RNF115: variants seen among roughly 807,000 people sequenced by gnomAD.
RNF115 encodes the protein ring finger protein 115.
A neutral mutation model predicts 39.2 loss-of-function variants in RNF115; 31 were observed. That is an observed-to-expected ratio of 0.79 (90% CI 0.59 to 1.07). The LOEUF (loss-of-function observed/expected upper bound fraction) is 1.07, where lower values mean the gene tolerates loss of function less well. Ranked by LOEUF, RNF115 falls within the 50% of genes least tolerant of loss-of-function variation. The pLI, the probability that RNF115 is intolerant of heterozygous loss-of-function variation, is 0.00. For synonymous variants in RNF115, 124 were observed against 131.0 expected, an observed-to-expected ratio of 0.95 and a Z score of 0.37; for missense variants, 384 against 381.7, an observed-to-expected ratio of 1.01 and a Z score of -0.05.
chr1:145,804,059 G>A (rs1055067908), intron 1 of RNF115, among the ~76,000 whole-genome samples: 1 of 152,212 alleles, frequency 6.6e-6, no homozygotes, highest in East Asian at 1.9e-4. Context: ...GTTTAGCTCT[G>A]ATGTGTACCA....
chr1:145,775,950 A>C (rs1421693383), intron 3 of RNF115, among the ~76,000 whole-genome samples: 1 of 152,100 alleles, frequency 6.6e-6, no homozygotes, highest in Non-Finnish European at 1.5e-5. Context: ...GTGAGCCGAG[A>C]TCACTCCATG....
intron 2 of RNF115, chr1:145,788,677 TCAC>T (rs587746496): frequency 1.2e-4 from 75 of 649,196 alleles, no homozygotes; most frequent in African/African-American, 1.0e-3. Context: ...GCAGTGCGTA[TCAC>T]CACATCTGCT....
chr1:145,764,790 C>G (rs1374200636), intron 4 of RNF115, among the ~76,000 whole-genome samples: 16 of 151,376 alleles, frequency 1.1e-4, no homozygotes, highest in African/African-American at 3.6e-4. Flanking sequence ...CCGCCCCATC[C>G]GGGAGGGAGA....
intron 3 of RNF115, among the ~76,000 whole-genome samples, chr1:145,783,353 C>G (rs1380872957): frequency 1.3e-5 from 2 of 152,090 alleles, no homozygotes. Context: ...AGAACAGGAC[C>G]ATTACCCAGA....
chr1:145,787,690 C>A (rs1648453839), intron 2 of RNF115, among the ~76,000 whole-genome samples: 1 of 151,924 alleles, frequency 6.6e-6, no homozygotes, highest in South Asian at 2.1e-4. Context: ...AGTTCAAGAC[C>A]AGCCTGGCCA....
chr1:145,796,293 G>A (rs1553720014), intron 1 of RNF115, among the ~76,000 whole-genome samples: 1 of 152,108 alleles, frequency 6.6e-6, no homozygotes. Flanking sequence ...AAGAGACAAG[G>A]TGTTAGATGA....
In RNF115 at chr1:145,781,988, C is replaced by T. The variant is rs188605805; in HGVS notation, c.219+2551G>A. ...TGCAATCTCCGCTCACTGCAACCTCCGCCTTCTGGGTTCAAGCAATTCTCC... is the reference window on the plus strand; with the variant it reads ...TGCAATCTCCGCTCACTGCAACCTCTGCCTTCTGGGTTCAAGCAATTCTCC... On this transcript the variant is annotated intron_variant, in intron 3 of 8. Coordinates refer to ENST00000582693, the MANE Select transcript of RNF115 (RefSeq NM_014455.4). 4.2e-4 allele frequency among the ~76,000 whole-genome samples: 63 copies of T among 151,552 alleles called. 1 individual carries two copies. The highest frequency in any genetic ancestry group is 1.3e-3 in the African/African-American group (54 of 41,248).
At chr1:145,787,031 C>T (rs1011741380) in intron 2 of RNF115, 10 of 1,273,628 alleles carry the variant, frequency 7.9e-6, no homozygotes, top group African/African-American at 1.5e-5. Flanking sequence ...TGTAGTTTTT[C>T]CTGGTTGTGG....
intron 1 of RNF115, among the ~76,000 whole-genome samples, chr1:145,792,329 T>C (rs1339890782): frequency 1.3e-5 from 2 of 152,036 alleles, no homozygotes; most frequent in Admixed American, 1.3e-4. Flanking sequence ...ATTCAAACAC[T>C]GAAACACTTT....
chr1:145,822,002 T>C (rs1474682505), intron 1 of RNF115, among the ~76,000 whole-genome samples: 1 of 148,724 alleles, frequency 6.7e-6, no homozygotes, highest in Non-Finnish European at 1.5e-5. Flanking sequence ...AAAAAAAACA[T>C]AAACACACAG....
At chr1:145,813,437 A>G (rs1411723919) in intron 1 of RNF115, among the ~76,000 whole-genome samples, 1 of 152,104 alleles carries the variant, frequency 6.6e-6, no homozygotes, top group African/African-American at 2.4e-5. Context: ...TCAAACTGGG[A>G]TTTCCAGCTG....
chr1:145,759,465 A>T (rs1658422092), intron 4 of RNF115, among the ~76,000 whole-genome samples: 1 of 152,108 alleles, frequency 6.6e-6, no homozygotes, highest in East Asian at 1.9e-4. Flanking sequence ...TTGGTGTCAT[A>T]ACTCTTCTTT....
chr1:145,823,450 C>G (rs1445885516), intron 1 of RNF115, among the ~76,000 whole-genome samples: 3 of 146,912 alleles, frequency 2.0e-5, no homozygotes, highest in African/African-American at 7.6e-5. Context: ...GGAAAAAGAC[C>G]AGGTATAAAA....
At chr1:145,805,397 T>TA (rs587651340) in intron 1 of RNF115, among the ~76,000 whole-genome samples, 15 of 136,154 alleles carry the variant, frequency 1.1e-4, no homozygotes, top group African/African-American at 1.6e-4. Context: ...AAAATAGTTC[T>TA]AAAAAAAAAA....
At chr1:145,772,512 G>A (rs1553715918) in intron 3 of RNF115, 3 of 152,256 alleles carry the variant, frequency 2.0e-5, no homozygotes, top group African/African-American at 7.2e-5. Context: ...TTCTTGGTTG[G>A]CAGGTCTGTC....
chr1:145,801,012 T>C (rs1649217765), intron 1 of RNF115, among the ~76,000 whole-genome samples: 1 of 151,750 alleles, frequency 6.6e-6, no homozygotes, highest in Non-Finnish European at 1.5e-5. Context: ...CTACTAAAAA[T>C]ACATAAAAAT....
intron 5 of RNF115, among the ~76,000 whole-genome samples, chr1:145,752,691 T>C (rs1658138102): frequency 6.7e-6 from 1 of 148,784 alleles, no homozygotes; most frequent in Non-Finnish European, 1.5e-5. Flanking sequence ...CGGGTTCAAG[T>C]GATTCTCCTG....
In RNF115 at chr1:145,756,684, A is replaced by G. The variant is rs1204819152; in HGVS notation, c.429-3635T>C. 5.3e-5 allele frequency among the ~76,000 whole-genome samples: 8 copies of G among 152,046 alleles called. No homozygotes were observed. The South Asian group carries it at 8.3e-4, about 16-fold the overall frequency. ...CTTCAGGAAGTTCTGAGGGAGATCA[A>G]TTCCATGATTCTCTCTGGCTTCTGG... On this transcript the variant is annotated intron_variant, in intron 4 of 8. Transcript: ENST00000582693.
intron 1 of RNF115, among the ~76,000 whole-genome samples, chr1:145,810,988 C>T (rs1248491301): frequency 1.5e-4 from 22 of 147,750 alleles, no homozygotes; most frequent in Non-Finnish European, 3.3e-4. Flanking sequence ...ACCTCAGCCT[C>T]CCAGGTAGCT....
Sources: gnomAD v4.1 joint callset for allele counts (sites outside exome capture counted in the v4.1 genomes callset) on GRCh38, gnomAD v4.1.1 for gene constraint, MANE v1.5 for transcripts, NCBI Gene and HGNC (gene_info 2026-07-23, HGNC 2026-07-21) for gene names.